The following XPO4 variants were observed in gnomAD, a reference collection of about 807,000 sequenced individuals.
XPO4 encodes exportin-4.
Under a neutral mutation model 143.0 loss-of-function variants are expected in XPO4, and 39 were observed. The observed-to-expected ratio is 0.27, with a 90% confidence interval of 0.21 to 0.36. The LOEUF (loss-of-function observed/expected upper bound fraction) is 0.36, where lower values mean the gene tolerates loss of function less well. XPO4 is among the 10% of genes least tolerant of loss of function. The probability of loss-of-function intolerance (pLI) is 1.00; values close to 1 mark genes in which losing one functional copy is unlikely to be tolerated. For missense variants in XPO4, 907 were observed against 1,348.0 expected, an observed-to-expected ratio of 0.67 and a Z score of 5.12; for synonymous variants, 439 against 474.0, an observed-to-expected ratio of 0.93 and a Z score of 0.96.
intron 4 of XPO4, among the ~76,000 whole-genome samples, chr13:20,854,168 C>A (rs1438732906): frequency 1.3e-5 from 2 of 151,990 alleles, no homozygotes; most frequent in African/African-American, 2.4e-5. Context: ...ACAAAAAACA[C>A]GTAGGGTATA....
intron 6 of XPO4, among the ~76,000 whole-genome samples, chr13:20,831,804 A>ATTTTTTT (rs34302388): frequency 1.2e-4 from 11 of 88,752 alleles, no homozygotes; most frequent in Admixed American, 1.4e-4. Flanking sequence ...TAGTACAGTG[A>ATTTTTTT]TTTTTTTTTT....
chr13:20,801,064 A>G, intron 13 of XPO4, 74 bp from the exon 14 acceptor site: 1 of 1,556,596 alleles, frequency 6.4e-7, no homozygotes, highest in Non-Finnish European at 8.6e-7. Flanking sequence ...TTTTCCTTAA[A>G]AGTCCTTTTT....
chr13:20,811,115 C>A (rs140948742), intron 9 of XPO4, among the ~76,000 whole-genome samples: 1 of 151,872 alleles, frequency 6.6e-6, no homozygotes, highest in Non-Finnish European at 1.5e-5. Flanking sequence ...CAGAGAGAGC[C>A]GGTGGACCTG....
chr13:20,793,698 T>C (rs2059315744), intron 18 of XPO4, among the ~76,000 whole-genome samples: 1 of 152,044 alleles, frequency 6.6e-6, no homozygotes, highest in Non-Finnish European at 1.5e-5. Context: ...GGACTACAGG[T>C]GCCCACCACC....
chr13:20,826,481 C>T (rs1157418940), intron 7 of XPO4, among the ~76,000 whole-genome samples: 7 of 152,300 alleles, frequency 4.6e-5, no homozygotes, highest in Non-Finnish European at 7.3e-5. Flanking sequence ...TTCCCATTCT[C>T]ACTGTCACAC....
rs558496151 is a variant in XPO4 at position 20,780,169 on chromosome 13, C to T, written c.*3553G>A. ...TAAGAAGTACCGAGGTTCCTTCTGA[C>T]TTAAAAGGTTAATGTTTTATTCAGG... On this transcript the variant is annotated 3_prime_UTR_variant, in exon 23 of 23. Coordinates refer to ENST00000255305, the MANE Select transcript of XPO4 (RefSeq NM_022459.5). 1.5e-4 allele frequency: 23 copies of T among 152,322 alleles called. No individual in the cohort carries two copies. Among genetic ancestry groups the T allele is most frequent in the African/African-American group, 5.1e-4 (21 of 41,564 alleles). 9.4% of individuals were successfully genotyped at this position (152,322 alleles called of 1,614,324 possible). A position where few individuals can be genotyped will look rare whatever the true frequency, so the allele number is the denominator to read the frequency against.
At chr13:20,885,534 C>T (rs528714965) in intron 1 of XPO4, among the ~76,000 whole-genome samples, 2 of 152,002 alleles carry the variant, frequency 1.3e-5, no homozygotes, top group East Asian at 1.9e-4. Context: ...AAACTAAATG[C>T]TCTACATAAA....
chr13:20,852,895 A>C (rs2060103652), intron 4 of XPO4: 2 of 985,388 alleles, frequency 2.0e-6, no homozygotes, highest in Non-Finnish European at 2.4e-6. Flanking sequence ...ACACTTAACC[A>C]CAGTGGGATT....
chr13:20,871,874 T>C (rs1237536065), intron 1 of XPO4, among the ~76,000 whole-genome samples: 1 of 152,228 alleles, frequency 6.6e-6, no homozygotes, highest in African/African-American at 2.4e-5. Flanking sequence ...ATTTTAGAAA[T>C]AGTAAAGTAT....
rs771418362 is a variant in XPO4 at position 20,778,299 on chromosome 13, T to G, written c.*5423A>C. ...AACTTTTCTTTATCCACCTTTGGAGTGGAATAAATCTCAATATAAGCTAAA... is the reference window on the plus strand; with the variant it reads ...AACTTTTCTTTATCCACCTTTGGAGGGGAATAAATCTCAATATAAGCTAAA... On this transcript the variant is annotated 3_prime_UTR_variant, in exon 23 of 23. Transcript: ENST00000255305. 1.3e-5 allele frequency: 2 copies of G among 152,168 alleles called. No individual in the cohort carries two copies. The highest frequency in any genetic ancestry group is 2.9e-5 in the Non-Finnish European group (2 of 68,018). 9.4% of individuals were successfully genotyped at this position (152,168 alleles called of 1,614,324 possible).
chr13:20,790,853 A>C (rs191412295), intron 18 of XPO4, among the ~76,000 whole-genome samples: 1 of 152,264 alleles, frequency 6.6e-6, no homozygotes, highest in East Asian at 1.9e-4. Flanking sequence ...AGTATTGGGG[A>C]GGTTAAGAGC....
intron 3 of XPO4, among the ~76,000 whole-genome samples, chr13:20,862,508 A>C (rs1183982994): frequency 6.6e-6 from 1 of 152,146 alleles, no homozygotes; most frequent in Non-Finnish European, 1.5e-5. Context: ...TTTTGTACTT[A>C]GTAGAGATGG....
At position 20,809,127 on chromosome 13, in the gene XPO4, C is replaced by T; in HGVS notation, c.1449G>A (p.Met483Ile). The change falls in exon 11 of 23, where the codon ATG (methionine) becomes ATA (isoleucine). Residue 483 changes from methionine (M) to isoleucine (I), a missense_variant. Met to Ile is a conservative substitution (Grantham distance 10). Transcript: ENST00000255305. ...AGTGTTCTGCAGCAATTCTTCCTAGCATTCCTACACTGGCCAGTTGATCAG... is the reference window on the plus strand; with the variant it reads ...AGTGTTCTGCAGCAATTCTTCCTAGTATTCCTACACTGGCCAGTTGATCAG... ...QFSDQLASVG[M>I]LGRIAAEHCI... 6.2e-7 allele frequency: 1 copy of T among 1,614,138 alleles called. No homozygotes were observed. The highest frequency in any genetic ancestry group is 8.5e-7 in the Non-Finnish European group (1 of 1,179,966).
At chr13:20,816,580 TAC>T (rs1418629908) in intron 9 of XPO4, among the ~76,000 whole-genome samples, 1 of 152,232 alleles carries the variant, frequency 6.6e-6, no homozygotes, top group African/African-American at 2.4e-5. Context: ...AGAAAAATCT[TAC>T]AGACAGATCA....
chr13:20,800,838 T>C lies in XPO4; in HGVS notation c.1970A>G (p.Tyr657Cys), dbSNP rs1173601006. 2.5e-6 allele frequency: 4 copies of C among 1,613,582 alleles called. No individual in the cohort carries two copies. The highest frequency in any genetic ancestry group is 1.3e-5 in the African/African-American group (1 of 74,922). The change falls in exon 14 of 23, where the codon TAT becomes TGT. Residue 657 changes from tyrosine (Y) to cysteine (C), a missense_variant. By Grantham distance (194) the Tyr-to-Cys change is radical. Transcript: ENST00000255305. ...TAAGTTTTACATTCTGACCTGATCA[T>C]ACAGTTTTTCATCCACCAGGAGATA... ...KTYLLVDEKL[Y>C]DQISLPFSTA...
intron 2 of XPO4, among the ~76,000 whole-genome samples, chr13:20,867,886 A>G (rs1178744227): frequency 6.6e-6 from 1 of 152,200 alleles, no homozygotes; most frequent in Non-Finnish European, 1.5e-5. Flanking sequence ...CAGCTTATAA[A>G]ATAACAATAA....
At position 20,862,803 on chromosome 13, in the gene XPO4, T is replaced by G. The variant is rs1236301631; in HGVS notation, c.231A>C (p.Ala77=). The change falls in exon 3 of 23, where the codon GCA becomes GCC. Residue 77 remains alanine (A), a synonymous_variant. Coordinates refer to ENST00000255305, the MANE Select transcript of XPO4 (RefSeq NM_022459.5). ...LFQAATAIME[A]VVREWILLEK... ...CCAAGAGAATCCACTCTCGGACAAC[T>G]GCTTCCATTATGGCTGTGGCAGCTT... The G allele has an allele frequency of 6.2e-7, 1 of 1,614,218 alleles. No individual in the cohort carries two copies. Among genetic ancestry groups the G allele is most frequent in the Non-Finnish European group, 8.5e-7 (1 of 1,180,034 alleles).
intron 1 of XPO4, among the ~76,000 whole-genome samples, chr13:20,881,593 T>C (rs1167054523): frequency 6.6e-6 from 1 of 151,984 alleles, no homozygotes; most frequent in Admixed American, 6.6e-5. Context: ...AAAAGCAAGA[T>C]ATCACAAGAA....
At chr13:20,850,379 G>T (rs2060071971) in intron 4 of XPO4, 1 of 623,828 alleles carries the variant, frequency 1.6e-6, no homozygotes, top group South Asian at 7.2e-5. Flanking sequence ...GCAGAGCTGG[G>T]ATTTAAACCC....
Sources: allele counts gnomAD v4.1 joint callset (sites outside exome capture counted in the v4.1 genomes callset), GRCh38; gene constraint gnomAD v4.1.1; transcripts MANE v1.5; gene names NCBI Gene and HGNC (gene_info 2026-07-23, HGNC 2026-07-21).